Variants in TOPAZ1 observed in about 807,000 individuals in gnomAD.
TOPAZ1 encodes the protein testis and ovary specific TOPAZ 1.
Under a neutral mutation model 172.2 loss-of-function variants are expected in TOPAZ1, and 66 were observed. The observed-to-expected ratio is 0.38, with a 90% confidence interval of 0.31 to 0.47. The LOEUF is 0.47. TOPAZ1 is among the 20% of genes least tolerant of loss of function. TOPAZ1 has a pLI of 0.99. For synonymous variants in TOPAZ1, 681 were observed against 683.9 expected (o/e 1.00, Z 0.07); for missense variants, 1,822 against 1,972.4 (o/e 0.92, Z 1.44).
chr3:44,320,503 CAGG>C (rs1328484158), intron 16 of TOPAZ1, among the ~76,000 whole-genome samples: 1 of 152,126 alleles, frequency 6.6e-6, no homozygotes, highest in African/African-American at 2.4e-5. Flanking sequence ...GAGGCTGAGG[CAGG>C]AGAATCACTT....
At chr3:44,272,199 A>G (rs1201704826) in intron 8 of TOPAZ1, among the ~76,000 whole-genome samples, 1 of 152,224 alleles carries the variant, frequency 6.6e-6, no homozygotes, top group Admixed American at 6.5e-5. Context: ...TAGTGCTGCA[A>G]TGAACATAGA....
At chr3:44,246,056 T>C (rs567963670) in intron 2 of TOPAZ1, among the ~76,000 whole-genome samples, 1 of 152,244 alleles carries the variant, frequency 6.6e-6, no homozygotes, top group African/African-American at 2.4e-5. Context: ...AATTTTTATT[T>C]GAAGTAATTA....
At position 44,268,363 on chromosome 3, in the gene TOPAZ1, A is replaced by AT. The variant is rs1293339613; in HGVS notation, c.3161-851dup. ...AAAGAGTGTAAGCTCTGTGGTGCCT[A>AT]TTCTTTTTTTTTTTTTTTTTTTTTT... On this transcript the variant is annotated intron_variant, in intron 6 of 19. Transcript: ENST00000309765. Among the ~76,000 whole-genome samples, 15 of 91,768 alleles carry AT rather than the reference A, an allele frequency of 1.6e-4. 1 individual carries two copies. Among genetic ancestry groups the AT allele is most frequent in the East Asian group, 3.1e-4 (1 of 3,232 alleles). 60.2% of individuals were successfully genotyped at this position (91,768 alleles called of 152,430 possible).
intron 8 of TOPAZ1, among the ~76,000 whole-genome samples, chr3:44,273,906 G>T (rs1283574239): frequency 6.6e-6 from 1 of 152,178 alleles, no homozygotes; most frequent in East Asian, 1.9e-4. Context: ...ATATATTCAT[G>T]AGTGACTTAC....
chr3:44,296,869 A>AAG (rs1575725794), intron 12 of TOPAZ1, among the ~76,000 whole-genome samples: 3 of 141,128 alleles, frequency 2.1e-5, no homozygotes, highest in East Asian at 1.9e-4. Flanking sequence ...AAAAAAGAAA[A>AAG]AAAAAAGAAA....
intron 18 of TOPAZ1, among the ~76,000 whole-genome samples, chr3:44,324,662 T>C (rs927191846): frequency 2.0e-5 from 3 of 152,180 alleles, no homozygotes; most frequent in African/African-American, 7.2e-5. Flanking sequence ...TATAGAAGTA[T>C]AATTCAAATG....
chr3:44,306,286 G>C, intron 14 of TOPAZ1, 40 bp from the exon 15 acceptor site: 1 of 1,295,278 alleles, frequency 7.7e-7, no homozygotes, highest in East Asian at 2.5e-5. Flanking sequence ...CATTTTAAGT[G>C]ACTATTTTAT....
At chr3:44,292,159 T>C (rs1700145079) in intron 12 of TOPAZ1, among the ~76,000 whole-genome samples, 1 of 152,216 alleles carries the variant, frequency 6.6e-6, no homozygotes, top group Non-Finnish European at 1.5e-5. Flanking sequence ...ATCACTAACA[T>C]TGAAATTAAT....
chr3:44,274,956 A>G (rs945756875), intron 8 of TOPAZ1, among the ~76,000 whole-genome samples: 1 of 151,586 alleles, frequency 6.6e-6, no homozygotes, highest in African/African-American at 2.4e-5. Context: ...TTTATGGGGT[A>G]TATGTGATAT....
rs1418073343 is a variant in TOPAZ1 at position 44,309,950 on chromosome 3, A to G, written c.4266A>G (p.Leu1422=). The part of the protein sequence containing the change: ...QIVNVAAEIF[L]KSGSLDGAIW... Reference sequence around the variant, plus strand: ...TGAATGTTGCAGCAGAAATTTTTCTAAAAAGTGGAAGCCTAGATGGTGCCA... The same window carrying G: ...TGAATGTTGCAGCAGAAATTTTTCTGAAAAGTGGAAGCCTAGATGGTGCCA... The change falls in exon 16 of 20, where the codon CTA becomes CTG. Residue 1422 remains leucine (L), a synonymous_variant. Coordinates refer to ENST00000309765, the MANE Select transcript of TOPAZ1 (RefSeq NM_001145030.2). 4 of 1,551,600 alleles carry G rather than the reference A, an allele frequency of 2.6e-6. No individual in the cohort carries two copies. The highest frequency in any genetic ancestry group is 2.4e-5 in the South Asian group (2 of 84,042).
intron 12 of TOPAZ1, 69 bp downstream of exon 12, chr3:44,290,955 C>T: frequency 1.0e-6 from 1 of 979,548 alleles, no homozygotes; most frequent in South Asian, 1.6e-5. Context: ...AAGCTGAAGG[C>T]AAAGCTCTAA....
At chr3:44,328,539 A>G (rs966452839) in intron 19 of TOPAZ1, 106 bp downstream of exon 19, 2 of 519,380 alleles carry the variant, frequency 3.9e-6, no homozygotes, top group Non-Finnish European at 6.4e-6. Flanking sequence ...ATATATATTT[A>G]TGTATATATT....
Position 44,331,828 on chromosome 3 carries a change from T to C in TOPAZ1, c.4896T>C (p.Tyr1632=). ...ACCAGTCTCGGAGCAATGATGATTA[T>C]CAAGCTGCAGTAGAAAGGTTAATTA... ...EDNQSRSNDD[Y]QAAVERLIMA... is the part of the protein sequence containing the mutation. Residue 1632 remains tyrosine, a synonymous_variant, in exon 20 of 20, where the codon TAT becomes TAC. Coordinates refer to ENST00000309765, the MANE Select transcript of TOPAZ1 (RefSeq NM_001145030.2). 6.4e-7 allele frequency: 1 copy of C among 1,552,146 alleles called. No homozygotes were observed. The highest frequency in any genetic ancestry group is 2.4e-5 in the East Asian group (1 of 40,902).
intron 4 of TOPAZ1, among the ~76,000 whole-genome samples, chr3:44,259,398 A>G (rs755386881): frequency 6.6e-6 from 1 of 152,174 alleles, no homozygotes; most frequent in African/African-American, 2.4e-5. Flanking sequence ...ATTCTTTTGA[A>G]TTTCATCCAG....
chr3:44,335,319 A>G (rs1403888663), downstream of TOPAZ1, among the ~76,000 whole-genome samples: 1 of 151,998 alleles, frequency 6.6e-6, no homozygotes, highest in Non-Finnish European at 1.5e-5. Flanking sequence ...CTAGGTCTAA[A>G]GTTTTTTTTT....
intron 4 of TOPAZ1, among the ~76,000 whole-genome samples, chr3:44,258,130 C>T (rs1021781902): frequency 1.3e-5 from 2 of 152,138 alleles, no homozygotes; most frequent in Non-Finnish European, 2.9e-5. Context: ...CCTAAAGTTG[C>T]AGCCGAGGTC....
chr3:44,281,957 G>T lies in TOPAZ1; in HGVS notation c.3373-11G>T. On this transcript the variant is annotated splice_polypyrimidine_tract_variant and intron_variant, in intron 8 of 19. Transcript: ENST00000309765. Reference sequence around the variant, plus strand: ...AAAAAGGTAGTTTTACATTTTTCGTGACTTTTGCAGGTTTGCATGGATGTG... The same window carrying T: ...AAAAAGGTAGTTTTACATTTTTCGTTACTTTTGCAGGTTTGCATGGATGTG... 1.3e-6 allele frequency: 2 copies of T among 1,530,706 alleles called. No individual in the cohort carries two copies. The highest frequency in any genetic ancestry group is 1.4e-5 in the African/African-American group (1 of 72,288). 94.8% of individuals were successfully genotyped at this position (1,530,706 alleles called of 1,614,324 possible).
chr3:44,324,875 T>C (rs1700581363), intron 18 of TOPAZ1, among the ~76,000 whole-genome samples: 1 of 152,192 alleles, frequency 6.6e-6, no homozygotes, highest in African/African-American at 2.4e-5. Context: ...AGCAGTGTGT[T>C]AAAGCAATTA....
chr3:44,306,901 A>C (rs562020913), intron 15 of TOPAZ1, among the ~76,000 whole-genome samples: 1 of 152,312 alleles, frequency 6.6e-6, no homozygotes, highest in East Asian at 1.9e-4. Context: ...TTAAGAACCC[A>C]TGCTAAATGT....
Sources: allele counts gnomAD v4.1 joint callset (sites outside exome capture counted in the v4.1 genomes callset), GRCh38; gene constraint gnomAD v4.1.1; transcripts MANE v1.5; gene names NCBI Gene and HGNC (gene_info 2026-07-23, HGNC 2026-07-21).